The following AP3S2 variants were observed in gnomAD, a reference collection of about 807,000 sequenced individuals.
AP3S2 encodes AP-3 complex subunit sigma-2.
AP3S2 carries 22 observed loss-of-function variants against 23.4 expected under a neutral mutation model. The observed-to-expected ratio is 0.94, with a 90% CI of 0.67 to 1.34. The LOEUF (loss-of-function observed/expected upper bound fraction) is 1.34. AP3S2 is among the 40% of genes most tolerant of loss of function. AP3S2 has a pLI of 0.00. For synonymous variants in AP3S2, 86 were observed against 87.1 expected, an observed-to-expected ratio of 0.99 and a Z score of 0.07; for missense variants, 241 against 236.9, an observed-to-expected ratio of 1.02 and a Z score of -0.11.
intron 4 of AP3S2, among the ~76,000 whole-genome samples, chr15:89,870,217 T>C (rs1039721099): frequency 1.3e-5 from 2 of 152,098 alleles, no homozygotes; most frequent in African/African-American, 4.8e-5. Flanking sequence ...AAATAGCAAA[T>C]CTTTAACATA....
At chr15:89,837,435 G>C (rs1356069107) in intron 5 of AP3S2, among the ~76,000 whole-genome samples, 180 bp downstream of exon 5, 1 of 152,174 alleles carries the variant, frequency 6.6e-6, no homozygotes, top group Non-Finnish European at 1.5e-5. Flanking sequence ...CTTGTTACCT[G>C]TTTAATTTTC....
In AP3S2 at chr15:89,893,904, GC is replaced by G. The variant is rs2141909762; in HGVS notation, c.45del (p.Leu16Ter). On this transcript the variant is annotated frameshift_variant, in exon 1 of 6. Transcript: ENST00000336418. LOFTEE classifies it high-confidence loss of function. ...ILVFNNHGKP[R>X]LVRFYQRFPE... ...ACGAAACGCTGGTAGAAGCGGACTA[GC>G]CGTGGCTTCCCATGGTTGTTGAAAA... The G allele has an allele frequency of 1.3e-6, 2 of 1,551,764 alleles. No individual in the cohort carries two copies. Among genetic ancestry groups the G allele is most frequent in the African/African-American group, 2.7e-5 (2 of 73,202 alleles).
chr15:89,840,248 G>A (rs1265739455), intron 4 of AP3S2, among the ~76,000 whole-genome samples: 1 of 152,180 alleles, frequency 6.6e-6, no homozygotes, highest in African/African-American at 2.4e-5. Flanking sequence ...AACAAAAAAG[G>A]AGAGAAATAG....
Position 89,870,840 on chromosome 15 carries a change from A to G in AP3S2, c.345+635T>C, listed in dbSNP as rs116812320. On this transcript the variant is annotated intron_variant, in intron 4 of 5. Transcript: ENST00000336418. ...GACAGCATGTGGTAAGTTGAATAAA[A>G]TAAACATGGCAATTCCTATTCCCTT... Among the ~76,000 whole-genome samples, 351 of 152,340 alleles carry G rather than the reference A, an allele frequency of 2.3e-3. 1 individual carries two copies. Among genetic ancestry groups the G allele is most frequent in the African/African-American group, 7.3e-3 (305 of 41,568 alleles).
Position 89,837,725 on chromosome 15 carries a change from A to C in AP3S2, c.346-3T>G. On this transcript the variant is annotated splice_polypyrimidine_tract_variant and splice_region_variant and intron_variant, in intron 4 of 5. Transcript: ENST00000336418. ...ACCTCCTGGAGGATGTAGTGCACCTAAAAGGGAAGCAAAAATCAGGAGTCA... is the reference window on the plus strand; with the variant it reads ...ACCTCCTGGAGGATGTAGTGCACCTCAAAGGGAAGCAAAAATCAGGAGTCA... 1 of 1,613,942 alleles carries C rather than the reference A, an allele frequency of 6.2e-7. No homozygotes were observed. Among genetic ancestry groups the C allele is most frequent in the Non-Finnish European group, 8.5e-7 (1 of 1,179,882 alleles).
intron 4 of AP3S2, among the ~76,000 whole-genome samples, chr15:89,846,661 G>A (rs1895499716): frequency 2.0e-5 from 3 of 152,160 alleles, no homozygotes; most frequent in Admixed American, 1.3e-4. Context: ...CGAGTAGCTG[G>A]GACTACAGGC....
chr15:89,867,944 G>GCCCC (rs1896184137), intron 4 of AP3S2, among the ~76,000 whole-genome samples: 2 of 147,890 alleles, frequency 1.4e-5, no homozygotes, highest in Admixed American at 1.3e-4. Flanking sequence ...CCCCCACCCG[G>GCCCC]CCAGCCGCCC....
At chr15:89,875,483 G>A (rs2141886320) in intron 3 of AP3S2, among the ~76,000 whole-genome samples, 1 of 152,200 alleles carries the variant, frequency 6.6e-6, no homozygotes, top group East Asian at 1.9e-4. Flanking sequence ...GCATGCTGAT[G>A]GGCAAAGAGG....
At position 89,837,728 on chromosome 15, in the gene AP3S2, AG is replaced by A; in HGVS notation, c.346-7del. 1 of 1,613,942 alleles carries A rather than the reference AG, an allele frequency of 6.2e-7. No individual in the cohort carries two copies. The highest frequency in any genetic ancestry group is 8.5e-7 in the Non-Finnish European group (1 of 1,179,862). Reference sequence around the variant, plus strand: ...TCCTGGAGGATGTAGTGCACCTAAAAGGGAAGCAAAAATCAGGAGTCAGAAT... The same window carrying A: ...TCCTGGAGGATGTAGTGCACCTAAAAGGAAGCAAAAATCAGGAGTCAGAAT... On this transcript the variant is annotated splice_region_variant and splice_polypyrimidine_tract_variant and intron_variant, in intron 4 of 5. Transcript: ENST00000336418.
At position 89,835,427 on chromosome 15, in the gene AP3S2, G is replaced by C. The variant is rs1895164231; in HGVS notation, c.*88C>G. Reference sequence around the variant, plus strand: ...AGGTCCTGAGGCTTGACTCTTCTAAGGCTCAAAATGGGTTCTGTTTCCAGA... The same window carrying C: ...AGGTCCTGAGGCTTGACTCTTCTAACGCTCAAAATGGGTTCTGTTTCCAGA... On this transcript the variant is annotated 3_prime_UTR_variant, in exon 6 of 6. Coordinates refer to ENST00000336418, the MANE Select transcript of AP3S2 (RefSeq NM_005829.5). 1.3e-6 allele frequency: 2 copies of C among 1,575,500 alleles called. No individual in the cohort carries two copies. Among genetic ancestry groups the C allele is most frequent in the Admixed American group, 1.8e-5 (1 of 55,026 alleles).
intron 3 of AP3S2, chr15:89,878,221 G>GAAA: frequency 1.9e-5 from 10 of 528,660 alleles, no homozygotes; most frequent in Admixed American, 7.4e-5. Context: ...TTCTCCAAAG[G>GAAA]AAAAAAAAAA....
In AP3S2 at chr15:89,889,167, A is replaced by C. The variant is rs141401723; in HGVS notation, c.70-27T>G. ...TATGAAACAAAAAGATAAGTGAATC[A>C]GTGGGCAAGCCTGAAAAACTACATC... On this transcript the variant is annotated intron_variant, in intron 1 of 5. Transcript: ENST00000336418. The C allele has an allele frequency of 8.1e-4, 1,304 of 1,613,720 alleles. 12 individuals carry two copies. The African/African-American group carries it at 0.015, about 19-fold the overall frequency.
chr15:89,886,898 G>A (rs906527335), intron 3 of AP3S2, among the ~76,000 whole-genome samples: 10 of 151,986 alleles, frequency 6.6e-5, no homozygotes, highest in African/African-American at 1.5e-4. Context: ...GGGTTCATGC[G>A]ATTCTCCCAC....
Position 89,835,336 on chromosome 15 carries a change from A to G in AP3S2, c.*179T>C. 9.3e-7 allele frequency: 1 copy of G among 1,071,974 alleles called. No individual in the cohort carries two copies. The allele number at this position is 1,071,974 out of a possible 1,614,324, so 66.4% of individuals were successfully genotyped here. On this transcript the variant is annotated 3_prime_UTR_variant, in exon 6 of 6. Coordinates refer to ENST00000336418, the MANE Select transcript of AP3S2 (RefSeq NM_005829.5). ...CACATGTGAGAACTGGGTGCACCCG[A>G]GCAGTGTCAATAGGAATCCCTTCCC...
chr15:89,878,798 G>A (rs1172795814), intron 3 of AP3S2, among the ~76,000 whole-genome samples: 7 of 152,226 alleles, frequency 4.6e-5, no homozygotes, highest in Admixed American at 1.3e-4. Flanking sequence ...CCAGGCTGGA[G>A]TGCAGTGGCA....
intron 4 of AP3S2, among the ~76,000 whole-genome samples, chr15:89,841,153 G>A (rs930671608): frequency 1.2e-4 from 18 of 152,172 alleles, no homozygotes; most frequent in African/African-American, 4.1e-4. Flanking sequence ...ACATGATGTC[G>A]TGGAGACTAG....
intron 4 of AP3S2, among the ~76,000 whole-genome samples, chr15:89,839,586 T>C (rs1253214634): frequency 6.6e-6 from 1 of 152,204 alleles, no homozygotes; most frequent in East Asian, 1.9e-4. Context: ...GAAATAGGCC[T>C]CTGAAAACAG....
chr15:89,858,283 A>C (rs1224372977), intron 4 of AP3S2, among the ~76,000 whole-genome samples: 6 of 151,876 alleles, frequency 4.0e-5, no homozygotes, highest in African/African-American at 1.5e-4. Flanking sequence ...ACTAAAAAAA[A>C]ATACAAAACT....
At chr15:89,892,612 T>C (rs1896844743) in intron 1 of AP3S2, among the ~76,000 whole-genome samples, 1 of 152,206 alleles carries the variant, frequency 6.6e-6, no homozygotes, top group African/African-American at 2.4e-5. Flanking sequence ...TACACACAAA[T>C]GCAAATACAA....
Sources: allele counts gnomAD v4.1 joint callset (sites outside exome capture counted in the v4.1 genomes callset), GRCh38; gene constraint gnomAD v4.1.1; transcripts MANE v1.5; gene names NCBI Gene and HGNC (gene_info 2026-07-23, HGNC 2026-07-21).